KCNIP4: variants seen among roughly 807,000 people sequenced by gnomAD.
KCNIP4 encodes the protein Kv channel-interacting protein 4.
KCNIP4 carries 12 observed loss-of-function variants against 34.0 expected under a neutral mutation model. That is an observed-to-expected ratio of 0.35 (90% CI 0.23 to 0.57). KCNIP4 has a LOEUF of 0.57. KCNIP4 is among the 20% of genes least tolerant of loss of function. KCNIP4 has a pLI of 0.83. For synonymous variants in KCNIP4, 124 were observed against 102.2 expected (o/e 1.21, Z -1.29); for missense variants, 238 against 311.7 (o/e 0.76, Z 1.78).
chr4:21,823,635 G>T (rs1025406105), intron 1 of KCNIP4, among the ~76,000 whole-genome samples: 2 of 152,072 alleles, frequency 1.3e-5, no homozygotes, highest in African/African-American at 4.8e-5. Flanking sequence ...GTAAGGGAAG[G>T]ATGCTGAAAT....
chr4:21,496,100 G>C (rs1732828193), intron 1 of KCNIP4, among the ~76,000 whole-genome samples: 1 of 152,152 alleles, frequency 6.6e-6, no homozygotes, highest in Non-Finnish European at 1.5e-5. Flanking sequence ...TCACTAAATT[G>C]AACAAGCAAG....
intron 1 of KCNIP4, among the ~76,000 whole-genome samples, chr4:21,087,145 AATGTGTGTGT>A (rs1231948820): frequency 3.4e-4 from 24 of 70,294 alleles, no homozygotes; most frequent in African/African-American, 8.8e-4. Flanking sequence ...ACTGCTGGGT[AATGTGTGTGT>A]GTGTGTGTGT....
chr4:20,907,248 C>T (rs542227314), intron 1 of KCNIP4, among the ~76,000 whole-genome samples: 22 of 152,168 alleles, frequency 1.4e-4, no homozygotes, highest in Non-Finnish European at 1.8e-4. Flanking sequence ...AAATTTATTA[C>T]GGTGTTTTGG....
At chr4:20,758,120 A>G (rs1754636859) in intron 4 of KCNIP4, among the ~76,000 whole-genome samples, 1 of 152,178 alleles carries the variant, frequency 6.6e-6, no homozygotes, top group Non-Finnish European at 1.5e-5. Context: ...CTGTGGGACA[A>G]ATATAAGTTG....
intron 1 of KCNIP4, among the ~76,000 whole-genome samples, chr4:21,565,439 T>C (rs1281062401): frequency 2.0e-5 from 3 of 152,102 alleles, no homozygotes; most frequent in Non-Finnish European, 4.4e-5. Flanking sequence ...GGCTTCAACA[T>C]ACAAATTTTG....
At chr4:21,614,014 G>GCTACATTAC (rs1363497828) in intron 1 of KCNIP4, among the ~76,000 whole-genome samples, 4 of 151,822 alleles carry the variant, frequency 2.6e-5, no homozygotes, top group African/African-American at 9.7e-5. Context: ...AGCCAGGCGT[G>GCTACATTAC]GTAGCATGCA....
chr4:21,758,002 A>G (rs996137855), intron 1 of KCNIP4, among the ~76,000 whole-genome samples: 1 of 152,140 alleles, frequency 6.6e-6, no homozygotes, highest in Non-Finnish European at 1.5e-5. Context: ...CATCTGCAAA[A>G]TGGGTATGAC....
intron 1 of KCNIP4, among the ~76,000 whole-genome samples, chr4:21,413,233 A>C (rs192068719): frequency 4.5e-4 from 69 of 152,230 alleles, no homozygotes; most frequent in African/African-American, 1.6e-3. Context: ...TGACAGAACC[A>C]TTTCCAAGCT....
intron 1 of KCNIP4, among the ~76,000 whole-genome samples, chr4:21,441,944 C>T (rs892802523): frequency 6.6e-6 from 1 of 152,096 alleles, no homozygotes; most frequent in African/African-American, 2.4e-5. Context: ...TTCATTACTT[C>T]ATTTAAGAAA....
At chr4:21,430,581 G>A (rs924635841) in intron 1 of KCNIP4, among the ~76,000 whole-genome samples, 2 of 150,972 alleles carry the variant, frequency 1.3e-5, no homozygotes, top group African/African-American at 4.8e-5. Context: ...TATCACTCAA[G>A]TAGATATTAG....
rs372876464 is a variant in KCNIP4, at chr4:20,971,780, T to C, written c.62-89071A>G. Reference sequence around the variant, plus strand: ...AAGACAATGAAATTTGCCTCATTGATTGAACTCTTCCTTTCACAAGAGATT... The same window carrying C: ...AAGACAATGAAATTTGCCTCATTGACTGAACTCTTCCTTTCACAAGAGATT... On this transcript the variant is annotated intron_variant, in intron 1 of 8. Coordinates refer to ENST00000382152, the MANE Select transcript of KCNIP4 (RefSeq NM_025221.6). 1.1e-4 allele frequency among the ~76,000 whole-genome samples: 16 copies of C among 152,340 alleles called. No individual in the cohort carries two copies. In the East Asian group the frequency reaches 3.1e-3, roughly 29 times the overall value.
At chr4:21,358,178 GGGCTGGTGGAGGGA>G (rs1414395183) in intron 1 of KCNIP4, among the ~76,000 whole-genome samples, 1 of 152,012 alleles carries the variant, frequency 6.6e-6, no homozygotes, top group African/African-American at 2.4e-5. Flanking sequence ...AGGTGGTGGG[GGGCTGGTGGAGGGA>G]TAGCATTAGG....
intron 1 of KCNIP4, among the ~76,000 whole-genome samples, chr4:21,743,635 CT>C (rs972452382): frequency 1.9e-4 from 28 of 150,164 alleles, no homozygotes; most frequent in Non-Finnish European, 2.2e-4. Context: ...GACACAATTC[CT>C]TTTTTTTGTA....
chr4:21,205,057 C>T (rs1756750451), intron 1 of KCNIP4, among the ~76,000 whole-genome samples: 1 of 152,168 alleles, frequency 6.6e-6, no homozygotes, highest in Admixed American at 6.6e-5. Flanking sequence ...CTGTGAATTT[C>T]TGGAAGTTTC....
chr4:21,022,105 C>G (rs1454317831), intron 1 of KCNIP4, among the ~76,000 whole-genome samples: 1 of 151,796 alleles, frequency 6.6e-6, no homozygotes, highest in Non-Finnish European at 1.5e-5. Flanking sequence ...TCCATTAAAA[C>G]CTTGAGACCA....
At chr4:21,454,909 C>T (rs906582338) in intron 1 of KCNIP4, among the ~76,000 whole-genome samples, 11 of 151,958 alleles carry the variant, frequency 7.2e-5, no homozygotes, top group Admixed American at 2.6e-4. Flanking sequence ...GGACAATCCT[C>T]GAGTAGGGCA....
intron 1 of KCNIP4, among the ~76,000 whole-genome samples, chr4:21,199,966 T>A (rs1756348425): frequency 6.6e-6 from 1 of 151,916 alleles, no homozygotes; most frequent in South Asian, 2.1e-4. Flanking sequence ...CTGCATGCTC[T>A]CACTCATAGG....
chr4:21,356,522 A>G (rs916140091), intron 1 of KCNIP4, among the ~76,000 whole-genome samples: 2 of 152,180 alleles, frequency 1.3e-5, no homozygotes, highest in African/African-American at 4.8e-5. Flanking sequence ...TACATCAATA[A>G]CAGACAAACA....
At chr4:20,751,038 C>T (rs906945168) in intron 4 of KCNIP4, among the ~76,000 whole-genome samples, 3 of 152,172 alleles carry the variant, frequency 2.0e-5, no homozygotes, top group Non-Finnish European at 2.9e-5. Context: ...TCACGGCCTC[C>T]TTACAGGTTG....
Sources: gnomAD v4.1 joint callset for allele counts (sites outside exome capture counted in the v4.1 genomes callset) on GRCh38, gnomAD v4.1.1 for gene constraint, MANE v1.5 for transcripts, NCBI Gene and HGNC (gene_info 2026-07-23, HGNC 2026-07-21) for gene names.